Variants in FGD2 observed in about 807,000 individuals in gnomAD.
FGD2 encodes FYVE, RhoGEF and PH domain containing 2.
A neutral mutation model predicts 75.9 loss-of-function variants in FGD2; 52 were observed. The observed-to-expected ratio is 0.69, with a 90% confidence interval of 0.55 to 0.86. The LOEUF (loss-of-function observed/expected upper bound fraction) is 0.86, where lower values mean the gene tolerates loss of function less well. FGD2 is among the 40% of genes least tolerant of loss of function. The pLI is 0.00. For missense variants in FGD2, 790 were observed against 872.0 expected, an observed-to-expected ratio of 0.91 and a Z score of 1.18; for synonymous variants, 347 against 348.6, an observed-to-expected ratio of 1.00 and a Z score of 0.05.
At chr6:37,011,641 C>A in intron 3 of FGD2, 65 bp from the exon 4 acceptor site, 1 of 1,604,246 alleles carries the variant, frequency 6.2e-7, no homozygotes, top group Non-Finnish European at 8.5e-7. Flanking sequence ...GACCCTAGTT[C>A]CCCCGGGCTG....
chr6:37,018,576 C>T (rs1276033248), intron 9 of FGD2, among the ~76,000 whole-genome samples: 2 of 152,144 alleles, frequency 1.3e-5, no homozygotes, highest in African/African-American at 2.4e-5. Context: ...ATTTTGCCAT[C>T]CCCCACAGGG....
At position 37,028,070 on chromosome 6, in the gene FGD2, G is replaced by T; in HGVS notation, c.1875G>T (p.Thr625=). 1 of 1,613,826 alleles carries T rather than the reference G, an allele frequency of 6.2e-7. No individual in the cohort carries two copies. Among genetic ancestry groups the T allele is most frequent in the Non-Finnish European group, 8.5e-7 (1 of 1,180,018 alleles). ...AGCTCTACACCTTCAAGGCCGAGAC[G>T]GAGGAGCTGAAGGGCCGCTGGGTGA... ...SGQLYTFKAE[T]EELKGRWVKA... Residue 625 remains threonine (T), a synonymous_variant, in exon 16 of 16, where the codon ACG becomes ACT. Coordinates refer to ENST00000274963, the MANE Select transcript of FGD2 (RefSeq NM_173558.4).
rs1765190794 is a variant in FGD2, at chr6:37,014,704, G to A, written c.882G>A (p.Met294Ile). 1 of 1,614,034 alleles carries A rather than the reference G, an allele frequency of 6.2e-7. No individual in the cohort carries two copies. The highest frequency in any genetic ancestry group is 8.5e-7 in the Non-Finnish European group (1 of 1,179,990). Residue 294 changes from methionine (M) to isoleucine (I), a missense_variant and splice_region_variant, in exon 7 of 16, where the codon ATG becomes ATA. Met to Ile is a conservative substitution (Grantham distance 10, BLOSUM62 1). Transcript: ENST00000274963. ...ACTCCAATGCAGCCATCACTGAGAT[G>A]GTAAGCAGCCCGCCCTCTCCTGGAG... ...AQHSNAAITE[M>I]ERLQDLWEVY...
intron 13 of FGD2, chr6:37,023,415 G>A (rs1474955253): frequency 2.0e-5 from 3 of 152,432 alleles, no homozygotes; most frequent in African/African-American, 7.2e-5. Context: ...TCTTGAGGAG[G>A]GTACTGTGTC....
Position 37,011,031 on chromosome 6 carries a change from G to A in FGD2, c.359G>A (p.Arg120His), listed in dbSNP as rs752975152. The A allele has an allele frequency of 2.4e-5, 39 of 1,614,002 alleles. No individual in the cohort carries two copies. Among genetic ancestry groups the A allele is most frequent in the Non-Finnish European group, 3.1e-5 (37 of 1,180,000 alleles). The change falls in exon 3 of 16, where the codon CGC becomes CAC. Residue 120 changes from arginine (R) to histidine (H), a missense_variant. Physicochemically the swap from Arg to His is conservative, Grantham distance 29. Coordinates refer to ENST00000274963, the MANE Select transcript of FGD2 (RefSeq NM_173558.4). Reference sequence around the variant, plus strand: ...GAGACAGAGCAGGCCTATGTGGCGCGCCTCCACCTGCTAGACCAGGCCAGT... The same window carrying A: ...GAGACAGAGCAGGCCTATGTGGCGCACCTCCACCTGCTAGACCAGGCCAGT... ...LLETEQAYVA[R>H]LHLLDQVFFQ...
rs151265686 is a variant in FGD2 at position 37,008,937 on chromosome 6, G to A, written c.172G>A (p.Gly58Arg). The change falls in exon 2 of 16, where the codon GGG becomes AGG. Residue 58 changes from glycine to arginine, a missense_variant. Gly to Arg is a moderately radical substitution (Grantham distance 125). Coordinates refer to ENST00000274963, the MANE Select transcript of FGD2 (RefSeq NM_173558.4). Reference sequence around the variant, plus strand: ...AGGACCACGGGAGAAGACGAATGTCGGGGAGGCCGTGGGGTCTGAGCCCAG... The same window carrying A: ...AGGACCACGGGAGAAGACGAATGTCAGGGAGGCCGTGGGGTCTGAGCCCAG... ...SPGPREKTNV[G>R]EAVGSEPRTV... 313 of 1,614,216 alleles carry A rather than the reference G, an allele frequency of 1.9e-4. No homozygotes were observed. In the African/African-American group the frequency reaches 3.5e-3, roughly 18 times the overall value.
intron 14 of FGD2, chr6:37,026,210 T>C: frequency 1.5e-5 from 15 of 985,446 alleles, no homozygotes; most frequent in Non-Finnish European, 1.7e-5. Context: ...CATCCGATAG[T>C]ACGGCCCCTC....
chr6:37,019,301 C>T (rs896151228), intron 9 of FGD2, among the ~76,000 whole-genome samples: 1 of 152,214 alleles, frequency 6.6e-6, no homozygotes, highest in African/African-American at 2.4e-5. Context: ...TTCCCAAATA[C>T]CTCTTTCCAC....
At chr6:37,022,396 C>T in intron 13 of FGD2, 26 bp downstream of exon 13, 2 of 1,544,322 alleles carry the variant, frequency 1.3e-6, no homozygotes, top group Non-Finnish European at 8.7e-7. Flanking sequence ...AGCACTCCTG[C>T]CTCCACCTGC....
chr6:37,020,041 T>C (rs1765497445), intron 9 of FGD2, among the ~76,000 whole-genome samples: 1 of 152,092 alleles, frequency 6.6e-6, no homozygotes, highest in Non-Finnish European at 1.5e-5. Context: ...TTAGAAGAGA[T>C]GGGTTTCACC....
chr6:37,011,192 A>C (rs1764989070), intron 3 of FGD2, 142 bp downstream of exon 3: 2 of 750,104 alleles, frequency 2.7e-6, no homozygotes, highest in African/African-American at 1.7e-5. Context: ...CTTTAACCTC[A>C]ATGGCTGGGG....
rs1185487617 is a variant in FGD2, at chr6:37,011,032, C to T, written c.360C>T (p.Arg120=). 5 of 1,614,184 alleles carry T rather than the reference C, an allele frequency of 3.1e-6. No homozygotes were observed. The Admixed American group carries it at 8.3e-5, about 27-fold the overall frequency. The change falls in exon 3 of 16, where the codon CGC becomes CGT. Residue 120 remains arginine (R), a synonymous_variant. Coordinates refer to ENST00000274963, the MANE Select transcript of FGD2 (RefSeq NM_173558.4). ...AGACAGAGCAGGCCTATGTGGCGCG[C>T]CTCCACCTGCTAGACCAGGCCAGTG... ...LLETEQAYVA[R]LHLLDQVFFQ... is the part of the protein sequence containing the mutation.
At position 37,029,017 on chromosome 6, in the gene FGD2, A is replaced by G. The variant is rs961130383; in HGVS notation, c.*854A>G. 1 of 152,060 alleles carries G rather than the reference A, an allele frequency of 6.6e-6. No homozygotes were observed. Among genetic ancestry groups the G allele is most frequent in the African/African-American group, 2.4e-5 (1 of 41,396 alleles). The allele number at this position is 152,060 out of a possible 1,614,324, so 9.4% of individuals were successfully genotyped here. A position where few individuals can be genotyped will look rare whatever the true frequency, so the allele number is the denominator to read the frequency against. ...CACAACCAATGGTTGAGCCCCTGTC[A>G]AGTGCCAGTCATGATAGTAGTAATA... is the stretch of plus-strand genomic sequence containing the variant. On this transcript the variant is annotated 3_prime_UTR_variant, in exon 16 of 16. Coordinates refer to ENST00000274963, the MANE Select transcript of FGD2 (RefSeq NM_173558.4).
intron 15 of FGD2, 64 bp from the exon 16 acceptor site, chr6:37,027,884 G>A (rs750613097): frequency 1.1e-5 from 17 of 1,565,736 alleles, no homozygotes; most frequent in African/African-American, 1.4e-5. Flanking sequence ...TTGCCTTCAC[G>A]ATGGCTATCT....
intron 15 of FGD2, 78 bp from the exon 16 acceptor site, chr6:37,027,870 G>C: frequency 6.7e-7 from 1 of 1,496,846 alleles, no homozygotes; most frequent in Non-Finnish European, 9.2e-7. Flanking sequence ...TGCGTGCGTG[G>C]CTGTTGCCTT....
intron 15 of FGD2, 151 bp downstream of exon 15, chr6:37,027,726 G>C (rs1765894631): frequency 5.1e-6 from 6 of 1,167,214 alleles, no homozygotes; most frequent in Admixed American, 2.6e-5. Context: ...TCTCAAGGTT[G>C]GTAGGTTTCA....
At chr6:37,022,519 C>T (rs1765640564) in intron 13 of FGD2, 149 bp downstream of exon 13, 6 of 1,131,768 alleles carry the variant, frequency 5.3e-6, no homozygotes, top group Non-Finnish European at 4.7e-6. Flanking sequence ...TGTGTCACCT[C>T]CACCTGTCCC....
Position 37,022,367 on chromosome 6 carries a change from C to T in FGD2, c.1455C>T (p.Gly485=). 1 of 1,578,784 alleles carries T rather than the reference C, an allele frequency of 6.3e-7. No individual in the cohort carries two copies. The highest frequency in any genetic ancestry group is 8.6e-7 in the Non-Finnish European group (1 of 1,165,882). The change falls in exon 13 of 16, where the codon GGC becomes GGT. Residue 485 remains glycine (G), a synonymous_variant. Coordinates refer to ENST00000274963, the MANE Select transcript of FGD2 (RefSeq NM_173558.4). ...GTCGCCACCACTGCCGGGCCTGCGGCTATGTGAGTACTCCTGCCAGCACTC... is the reference window on the plus strand; with the variant it reads ...GTCGCCACCACTGCCGGGCCTGCGGTTATGTGAGTACTCCTGCCAGCACTC... ...TRRRHHCRAC[G]YVVCARCSDY...
chr6:37,026,378 C>T (rs1260614073), intron 14 of FGD2: 2 of 985,318 alleles, frequency 2.0e-6, no homozygotes, highest in Non-Finnish European at 2.4e-6. Flanking sequence ...AGGGGCCAGT[C>T]GGTCTTATCC....
Sources: allele counts gnomAD v4.1 joint callset (sites outside exome capture counted in the v4.1 genomes callset), GRCh38; gene constraint gnomAD v4.1.1; transcripts MANE v1.5; gene names NCBI Gene and HGNC (gene_info 2026-07-23, HGNC 2026-07-21).